Variants in AOPEP observed in about 807,000 individuals in gnomAD.
AOPEP encodes aminopeptidase O.
A neutral mutation model predicts 98.1 loss-of-function variants in AOPEP; 77 were observed. The observed-to-expected ratio is 0.78, with a 90% confidence interval of 0.65 to 0.95. The LOEUF is 0.95. AOPEP is among the 40% of genes least tolerant of loss of function. The probability of loss-of-function intolerance (pLI) is 0.00; values close to 1 mark genes in which losing one functional copy is unlikely to be tolerated. For missense variants in AOPEP, 1,024 were observed against 1,024.7 expected, an observed-to-expected ratio of 1.00 and a Z score of 0.01; for synonymous variants, 346 against 365.3, an observed-to-expected ratio of 0.95 and a Z score of 0.60.
the AOPEP span, among the ~76,000 whole-genome samples, chr9:95,141,968 T>C: frequency 2.0e-5 from 3 of 150,572 alleles, no homozygotes; most frequent in Non-Finnish European, 3.0e-5. Context: ...AATAGTAATA[T>C]GTTAACAGTT....
intron 2 of AOPEP, among the ~76,000 whole-genome samples, chr9:94,767,181 A>G (rs536852469): frequency 1.2e-4 from 19 of 152,216 alleles, no homozygotes; most frequent in Non-Finnish European, 2.4e-4. Flanking sequence ...TATGAGAACT[A>G]AAGTGGAATA....
At position 94,992,191 on chromosome 9, in the gene AOPEP, A is replaced by G. The variant is rs1463237018; in HGVS notation, c.1977+12764A>G. ...TCACAGGTCAGGGTAACTGTCAATGATTGTTGAACTGCACAGATCCCAGTG... is the reference window on the plus strand; with the variant it reads ...TCACAGGTCAGGGTAACTGTCAATGGTTGTTGAACTGCACAGATCCCAGTG... On this transcript the variant is annotated intron_variant, in intron 11 of 16. Transcript: ENST00000375315. Among the ~76,000 whole-genome samples, 8 of 152,206 alleles carry G rather than the reference A, an allele frequency of 5.3e-5. No individual in the cohort carries two copies. The East Asian group carries it at 1.5e-3, about 29-fold the overall frequency.
intron 14 of AOPEP, among the ~76,000 whole-genome samples, chr9:95,062,510 A>G (rs1335476069): frequency 1.3e-5 from 2 of 152,176 alleles, no homozygotes; most frequent in South Asian, 4.1e-4. Flanking sequence ...TGAGAAGCCT[A>G]TTCCATGGTT....
At chr9:95,044,414 A>G (rs140212508) in intron 13 of AOPEP, among the ~76,000 whole-genome samples, 2 of 152,268 alleles carry the variant, frequency 1.3e-5, no homozygotes, top group African/African-American at 4.8e-5. Context: ...TTAAAAGTAA[A>G]GACATCCCAG....
At position 94,976,112 on chromosome 9, in the gene AOPEP, T is replaced by C. The variant is rs368650352; in HGVS notation, c.1917-3255T>C. On this transcript the variant is annotated intron_variant, in intron 10 of 16. Coordinates refer to ENST00000375315, the MANE Select transcript of AOPEP (RefSeq NM_001193329.3). ...TCAACACCTAGAGGACCATCATCTCTACAGGCGCTGGTAGCATTCTGCCTG... is the reference window on the plus strand; with the variant it reads ...TCAACACCTAGAGGACCATCATCTCCACAGGCGCTGGTAGCATTCTGCCTG... Among the ~76,000 whole-genome samples, 381 of 152,322 alleles carry C rather than the reference T, an allele frequency of 2.5e-3. 4 individuals are homozygous for C. The South Asian group carries it at 0.04, about 16-fold the overall frequency.
chr9:94,868,421 C>CT (rs2045948967), intron 5 of AOPEP, among the ~76,000 whole-genome samples: 1 of 152,210 alleles, frequency 6.6e-6, no homozygotes, highest in Non-Finnish European at 1.5e-5. Flanking sequence ...CTTGTACTCA[C>CT]TTTGAGTCTC....
chr9:94,949,416 A>G (rs1003697156), intron 7 of AOPEP, among the ~76,000 whole-genome samples: 1 of 152,184 alleles, frequency 6.6e-6, no homozygotes, highest in African/African-American at 2.4e-5. Context: ...GGTACCCACC[A>G]CTGGGTCCTT....
At chr9:94,751,425 G>T (rs1835751019) in intron 1 of AOPEP, among the ~76,000 whole-genome samples, 1 of 152,140 alleles carries the variant, frequency 6.6e-6, no homozygotes, top group South Asian at 2.1e-4. Context: ...TGTGTTTGTT[G>T]TGCTACTAAG....
intron 5 of AOPEP, among the ~76,000 whole-genome samples, chr9:94,850,931 C>T (rs957053979): frequency 2.6e-5 from 4 of 152,208 alleles, no homozygotes; most frequent in Admixed American, 1.3e-4. Flanking sequence ...ACTTTCTTCA[C>T]AGGGAGACAT....
In AOPEP at chr9:94,980,434, C is replaced by T. The variant is rs986968283; in HGVS notation, c.1977+1007C>T. ...TTCATGGCTGGTTACATGAGCTTCC[C>T]CTTAGGAGGGTCTCAATGTCAGTGA... On this transcript the variant is annotated intron_variant, in intron 11 of 16. Coordinates refer to ENST00000375315, the MANE Select transcript of AOPEP (RefSeq NM_001193329.3). This position sits in a 1 kb window ranked among gnomAD's most constrained non-coding sequence, Gnocchi z 4.3. Among the ~76,000 whole-genome samples, 3 of 152,206 alleles carry T rather than the reference C, an allele frequency of 2.0e-5. No homozygotes were observed. Among genetic ancestry groups the T allele is most frequent in the Non-Finnish European group, 4.4e-5 (3 of 68,028 alleles).
downstream of AOPEP, among the ~76,000 whole-genome samples, chr9:95,088,156 T>C (rs1182484261): frequency 6.6e-6 from 1 of 152,098 alleles, no homozygotes; most frequent in Non-Finnish European, 1.5e-5. Context: ...CGCGGCTTCC[T>C]GTGGAGATTT....
At chr9:94,933,836 C>T (rs1486132200) in intron 7 of AOPEP, among the ~76,000 whole-genome samples, 1 of 151,980 alleles carries the variant, frequency 6.6e-6, no homozygotes, top group African/African-American at 2.4e-5. Context: ...CAAGCTCCGC[C>T]TCCCATGTTC....
intron 5 of AOPEP, among the ~76,000 whole-genome samples, chr9:94,840,625 C>T (rs2042160526): frequency 6.6e-6 from 1 of 152,092 alleles, no homozygotes; most frequent in Non-Finnish European, 1.5e-5. Flanking sequence ...AAACCTGGGC[C>T]TAGAGATTTC....
In AOPEP at chr9:95,040,702, G is replaced by A. The variant is rs74348864; in HGVS notation, c.2116-19992G>A. 3.5e-3 allele frequency among the ~76,000 whole-genome samples: 540 copies of A among 152,328 alleles called. 34 individuals are homozygous for A. The East Asian group carries it at 0.087, about 25-fold the overall frequency. ...CATTCCCAGTTCCCTCCTGGCCCAA[G>A]CTCCTGGAGGTGGGACCACACATGA... On this transcript the variant is annotated intron_variant, in intron 13 of 16. Transcript: ENST00000375315.
intron 13 of AOPEP, among the ~76,000 whole-genome samples, chr9:95,014,238 G>A (rs907513110): frequency 6.6e-6 from 1 of 152,080 alleles, no homozygotes; most frequent in Non-Finnish European, 1.5e-5. Flanking sequence ...AGGCCAGGGT[G>A]GATGGATGGC....
downstream of AOPEP, among the ~76,000 whole-genome samples, chr9:95,088,143 G>A (rs914272889): frequency 6.6e-6 from 1 of 152,040 alleles, no homozygotes; most frequent in Non-Finnish European, 1.5e-5. Context: ...ATAAATACAC[G>A]ACCGCGGCTT....
chr9:94,871,462 C>T (rs1057365668), intron 5 of AOPEP, among the ~76,000 whole-genome samples: 5 of 152,158 alleles, frequency 3.3e-5, no homozygotes, highest in African/African-American at 9.7e-5. Flanking sequence ...ATGGCATGCT[C>T]ATCTTGATAT....
At position 95,079,344 on chromosome 9, in the gene AOPEP, A is replaced by G. The variant is rs188638757; in HGVS notation, c.2233-1350A>G. ...TCGCCAAAATGTTGACATTGCTTAC[A>G]TTTAATTATTGCTGCAAATATATTA... On this transcript the variant is annotated intron_variant, in intron 14 of 16. Transcript: ENST00000375315. Among the ~76,000 whole-genome samples the G allele has an allele frequency of 6.4e-3, 978 of 152,362 alleles. 16 individuals are homozygous for G. The highest frequency in any genetic ancestry group is 0.038 in the South Asian group (181 of 4,826).
intron 3 of AOPEP, among the ~76,000 whole-genome samples, chr9:94,779,953 G>A (rs1842923984): frequency 6.6e-6 from 1 of 152,092 alleles, no homozygotes; most frequent in Non-Finnish European, 1.5e-5. Context: ...GATAATTATC[G>A]CAGTCCTACA....
Sources: allele counts gnomAD v4.1 joint callset (sites outside exome capture counted in the v4.1 genomes callset), GRCh38; gene constraint gnomAD v4.1.1; non-coding constraint Gnocchi (gnomAD v3.1); transcripts MANE v1.5; gene names NCBI Gene and HGNC (gene_info 2026-07-23, HGNC 2026-07-21).